Variants in CUBN observed in about 807,000 individuals in gnomAD.
CUBN encodes the protein 460 kDa receptor.
Under a neutral mutation model 405.3 loss-of-function variants are expected in CUBN, and 282 were observed. That is an observed-to-expected ratio of 0.70 (90% confidence interval 0.63 to 0.77). The LOEUF (loss-of-function observed/expected upper bound fraction) is 0.77. Ranked by LOEUF, CUBN falls within the 30% of genes least tolerant of loss-of-function variation. The pLI is 0.00. For missense variants in CUBN, 4,514 were observed against 4,475.2 expected (o/e 1.01, Z -0.25); for synonymous variants, 1,684 against 1,617.0 (o/e 1.04, Z -0.99).
At chr10:17,113,689 T>G (rs1233977531) in intron 8 of CUBN, among the ~76,000 whole-genome samples, 1 of 152,210 alleles carries the variant, frequency 6.6e-6, no homozygotes, top group Non-Finnish European at 1.5e-5. Flanking sequence ...AATTTCCCCA[T>G]GTGTACAAAC....
At chr10:17,045,500 T>C (rs1182711541) in intron 24 of CUBN, among the ~76,000 whole-genome samples, 1 of 151,628 alleles carries the variant, frequency 6.6e-6, no homozygotes, top group African/African-American at 2.4e-5. Flanking sequence ...GCTGAGATTA[T>C]AGGCACCTGC....
At chr10:16,906,928 T>C (rs1272964277) in intron 49 of CUBN, among the ~76,000 whole-genome samples, 1 of 149,192 alleles carries the variant, frequency 6.7e-6, no homozygotes, top group Non-Finnish European at 1.5e-5. Flanking sequence ...ATTTTAAAAC[T>C]TCTAAATTTT....
chr10:16,940,219 G>A lies in CUBN; in HGVS notation c.5361C>T (p.Asp1787=). The part of the protein sequence containing the change: ...QLSFISFQLE[D]SQDCSRDFVE... The stretch of plus-strand genomic sequence containing the variant: ...CAAAATCTCTGCTGCAGTCCTGAGA[G>A]TCTTCCAACTGGAAAGATCTGATTT... Residue 1787 remains aspartate, a synonymous_variant, in exon 37 of 67, where the codon GAC becomes GAT. Transcript: ENST00000377833. 6.2e-7 allele frequency: 1 copy of A among 1,614,036 alleles called. No homozygotes were observed. Among genetic ancestry groups the A allele is most frequent in the Non-Finnish European group, 8.5e-7 (1 of 1,179,892 alleles).
In CUBN at chr10:17,126,443, T is replaced by C. The variant is rs548256804; in HGVS notation, c.387+318A>G. Among the ~76,000 whole-genome samples, 3 of 152,230 alleles carry C rather than the reference T, an allele frequency of 2.0e-5. No individual in the cohort carries two copies. The East Asian group carries it at 5.8e-4, about 29-fold the overall frequency. ...AGTCCCTGATGGGAGAATCAGCAAG[T>C]TGGGAGATCACTAGCTGACCAAGCA... On this transcript the variant is annotated intron_variant, in intron 4 of 66. Coordinates refer to ENST00000377833, the MANE Select transcript of CUBN (RefSeq NM_001081.4).
intron 22 of CUBN, among the ~76,000 whole-genome samples, chr10:17,048,589 T>C (rs2131823489): frequency 6.6e-6 from 1 of 152,290 alleles, no homozygotes; most frequent in South Asian, 2.1e-4. Flanking sequence ...GCAATTCTCC[T>C]GTCTCAGCCT....
chr10:17,041,346 GTA>G, intron 26 of CUBN, 126 bp from the exon 27 acceptor site: 1 of 727,910 alleles, frequency 1.4e-6, no homozygotes, highest in Non-Finnish European at 2.4e-6. Flanking sequence ...TATATGATGT[GTA>G]TATATGTGTG....
chr10:17,079,532 C>A (rs532912304), intron 17 of CUBN, among the ~76,000 whole-genome samples: 2 of 152,074 alleles, frequency 1.3e-5, no homozygotes, highest in Non-Finnish European at 2.9e-5. Flanking sequence ...AGCCACCATG[C>A]CTGGCCAAGA....
intron 36 of CUBN, 91 bp from the exon 37 acceptor site, chr10:16,940,328 CTT>C: frequency 8.4e-7 from 1 of 1,195,036 alleles, no homozygotes; most frequent in African/African-American, 1.5e-5. Flanking sequence ...AACCCGTTCA[CTT>C]TTTTAAACTT....
intron 48 of CUBN, among the ~76,000 whole-genome samples, chr10:16,910,886 C>A (rs1028605732): frequency 2.0e-5 from 3 of 152,056 alleles, no homozygotes; most frequent in African/African-American, 7.2e-5. Flanking sequence ...TTGCCCATTT[C>A]CTTGGGGAGC....
At chr10:17,092,310 A>G (rs1456875551) in intron 14 of CUBN, among the ~76,000 whole-genome samples, 1 of 152,156 alleles carries the variant, frequency 6.6e-6, no homozygotes, top group Admixed American at 6.5e-5. Flanking sequence ...ACATCCCTCT[A>G]CAACCCTTAG....
In CUBN at chr10:16,828,779, G is replaced by A. The variant is rs1162097746; in HGVS notation, c.10764+26C>T. Reference sequence around the variant, plus strand: ...ATTATTGTCTAAAAATAACAAATGGGAATATAAAATGTTTGTTTTACTCAC... The same window carrying A: ...ATTATTGTCTAAAAATAACAAATGGAAATATAAAATGTTTGTTTTACTCAC... On this transcript the variant is annotated intron_variant, in intron 66 of 66. Transcript: ENST00000377833. 8 of 1,504,180 alleles carry A rather than the reference G, an allele frequency of 5.3e-6. No homozygotes were observed. In the South Asian group the frequency reaches 9.0e-5, roughly 17 times the overall value. 93.2% of individuals were successfully genotyped at this position (1,504,180 alleles called of 1,614,324 possible).
intron 59 of CUBN, among the ~76,000 whole-genome samples, chr10:16,853,129 CTCCATGGCCTAAGCAGACA>C (rs1277547984): frequency 1.3e-5 from 2 of 152,192 alleles, no homozygotes. Flanking sequence ...GTTTTGTCTA[CTCCATGGCCTAAGCAGACA>C]GCTCAGAAAT....
At chr10:17,107,140 G>A (rs914055438) in intron 10 of CUBN, among the ~76,000 whole-genome samples, 8 of 152,170 alleles carry the variant, frequency 5.3e-5, no homozygotes, top group African/African-American at 1.9e-4. Context: ...TGAGGTAATA[G>A]CTAACAATAG....
intron 17 of CUBN, among the ~76,000 whole-genome samples, chr10:17,079,852 G>A (rs925498273): frequency 6.6e-6 from 1 of 152,102 alleles, no homozygotes; most frequent in African/African-American, 2.4e-5. Context: ...CAATGCCTAA[G>A]AAGTCACAAA....
At position 17,103,220 on chromosome 10, in the gene CUBN, A is replaced by G; in HGVS notation, c.1435T>C (p.Ser479Pro). Residue 479 changes from serine (S) to proline (P), a missense_variant, in exon 13 of 67, where the codon TCA becomes CCA. Physicochemically the swap from Ser to Pro is moderately conservative, Grantham distance 74. This residue lies in a region of CUBN where 1,448 missense variants were observed against 1,388.0 expected (regional missense o/e 1.04). Coordinates refer to ENST00000377833, the MANE Select transcript of CUBN (RefSeq NM_001081.4). ...TAGCTGAAGCTTCCATTTATTCCTG[A>G]GAGGGACTCTCCACAAACTGCAAAG... is the stretch of plus-strand genomic sequence containing the variant. Reference protein sequence around the residue: ...VPQQVCGESLSGINGSFSYRS... With the variant: ...VPQQVCGESLPGINGSFSYRS... 1 of 1,611,624 alleles carries G rather than the reference A, an allele frequency of 6.2e-7. No individual in the cohort carries two copies. The highest frequency in any genetic ancestry group is 8.5e-7 in the Non-Finnish European group (1 of 1,177,800).
chr10:16,905,237 C>T (rs762941156), intron 50 of CUBN, among the ~76,000 whole-genome samples: 1 of 152,078 alleles, frequency 6.6e-6, no homozygotes, highest in Non-Finnish European at 1.5e-5. Flanking sequence ...CTGAGAAAAA[C>T]GTGTCAGCAT....
intron 27 of CUBN, among the ~76,000 whole-genome samples, chr10:17,026,457 C>T (rs1354542095): frequency 6.6e-6 from 1 of 151,938 alleles, no homozygotes; most frequent in Non-Finnish European, 1.5e-5. Context: ...CATGGCAAAA[C>T]CCTGTCTCTA....
At chr10:17,058,919 T>C (rs1835448601) in intron 22 of CUBN, among the ~76,000 whole-genome samples, 1 of 152,152 alleles carries the variant, frequency 6.6e-6, no homozygotes, top group South Asian at 2.1e-4. Context: ...TTTTATCTTG[T>C]ATTGCCAAAG....
chr10:17,047,687 T>C, intron 22 of CUBN, 84 bp from the exon 23 acceptor site: 2 of 1,259,158 alleles, frequency 1.6e-6, no homozygotes, highest in Non-Finnish European at 2.3e-6. Context: ...ATTTCATTAA[T>C]TTGTGCCTAT....
Sources: allele counts gnomAD v4.1 joint callset (sites outside exome capture counted in the v4.1 genomes callset), GRCh38; gene constraint gnomAD v4.1.1; regional missense constraint gnomAD v4.1.1; transcripts MANE v1.5; gene names NCBI Gene and HGNC (gene_info 2026-07-23, HGNC 2026-07-21).